The following LINGO2 variants were observed in gnomAD, a reference collection of about 807,000 sequenced individuals.
LINGO2 encodes the protein leucine-rich repeat and immunoglobulin-like domain-containing nogo receptor-interacting protein 2.
In LINGO2, 14 loss-of-function variants were observed where a neutral mutation model predicts 30.6. The ratio of observed to expected loss-of-function variants is 0.46; its 90% CI spans 0.30 to 0.72. LINGO2 has a LOEUF of 0.72. LINGO2 is among the 30% of genes least tolerant of loss of function. The pLI is 0.07. For missense variants in LINGO2, 729 were observed against 751.7 expected, an observed-to-expected ratio of 0.97 and a Z score of 0.35; for synonymous variants, 317 against 288.5, an observed-to-expected ratio of 1.10 and a Z score of -1.00.
the LINGO2 span, among the ~76,000 whole-genome samples, chr9:28,812,143 A>G: frequency 6.6e-6 from 1 of 152,050 alleles, no homozygotes; most frequent in Non-Finnish European, 1.5e-5. Flanking sequence ...AAACACTTAC[A>G]TAAATACATC....
At chr9:28,402,295 C>T (rs1251421977) in intron 2 of LINGO2, among the ~76,000 whole-genome samples, 1 of 151,840 alleles carries the variant, frequency 6.6e-6, no homozygotes, top group Non-Finnish European at 1.5e-5. Context: ...TCTTTTCTTT[C>T]CCCCCTATTT....
intron 3 of LINGO2, among the ~76,000 whole-genome samples, chr9:28,320,251 A>G (rs903130834): frequency 6.6e-6 from 1 of 152,118 alleles, no homozygotes; most frequent in Non-Finnish European, 1.5e-5. Context: ...CATATATCTT[A>G]TTAGTATGAG....
intron 5 of LINGO2, among the ~76,000 whole-genome samples, chr9:27,955,857 G>T: frequency 6.6e-6 from 1 of 151,014 alleles, no homozygotes; most frequent in East Asian, 2.0e-4. Context: ...TTCCCAAAGA[G>T]ATTATGCCAT....
chr9:28,882,421 T>C, the LINGO2 span, among the ~76,000 whole-genome samples: 95 of 152,270 alleles, frequency 6.2e-4, no homozygotes, highest in Admixed American at 3.7e-3. Context: ...TTGGAAACAA[T>C]GATTTGGTAC....
chr9:28,744,719 C>T, the LINGO2 span, among the ~76,000 whole-genome samples: 1 of 150,340 alleles, frequency 6.7e-6, no homozygotes, highest in Non-Finnish European at 1.5e-5. Flanking sequence ...TCACTGCAAC[C>T]TCTGCCTCCT....
chr9:28,544,220 A>G (rs937626008), intron 1 of LINGO2, among the ~76,000 whole-genome samples: 2 of 152,056 alleles, frequency 1.3e-5, no homozygotes, highest in African/African-American at 4.8e-5. Flanking sequence ...AAATACAAAT[A>G]AAAAACAAAA....
chr9:28,289,491 G>C (rs1823640880), intron 4 of LINGO2, among the ~76,000 whole-genome samples: 1 of 152,092 alleles, frequency 6.6e-6, no homozygotes, highest in African/African-American at 2.4e-5. Flanking sequence ...CCATACTTAT[G>C]ACTTATACAG....
Position 28,420,730 on chromosome 9 carries a change from T to C in LINGO2, c.-278-47862A>G, listed in dbSNP as rs537259287. On this transcript the variant is annotated intron_variant, in intron 2 of 5. Transcript: ENST00000379992. ...ATAAATTCTGCTAAAGTTCAGAAAA[T>C]TTTTACCATCACTCCTTTCTTTCTC... 7.9e-5 allele frequency among the ~76,000 whole-genome samples: 12 copies of C among 152,106 alleles called. No homozygotes were observed. In the East Asian group the frequency reaches 1.7e-3, roughly 22 times the overall value.
At chr9:28,182,836 T>C (rs1343387857) in intron 4 of LINGO2, among the ~76,000 whole-genome samples, 1 of 152,148 alleles carries the variant, frequency 6.6e-6, no homozygotes, top group East Asian at 1.9e-4. Flanking sequence ...TGAAGAAATA[T>C]GAACACTTTT....
intron 1 of LINGO2, among the ~76,000 whole-genome samples, chr9:28,533,043 T>C (rs558923331): frequency 5.9e-5 from 9 of 151,982 alleles, no homozygotes; most frequent in East Asian, 5.8e-4. Context: ...TGTGAGGGTG[T>C]TGCCAAAGGA....
chr9:27,990,468 C>CT (rs201417261), intron 5 of LINGO2, among the ~76,000 whole-genome samples: 7,390 of 126,698 alleles, frequency 0.058, 377 homozygotes, highest in Admixed American at 0.11. Context: ...CAATACCCCC[C>CT]CCCCTTTTAT....
the LINGO2 span, among the ~76,000 whole-genome samples, chr9:28,768,608 A>G: frequency 8.5e-6 from 1 of 117,438 alleles, no homozygotes; most frequent in Admixed American, 9.5e-5. Flanking sequence ...TAGTAGACAG[A>G]CTGGGACACA....
intron 5 of LINGO2, among the ~76,000 whole-genome samples, chr9:27,957,986 C>T (rs972704143): frequency 6.6e-6 from 1 of 152,114 alleles, no homozygotes; most frequent in Non-Finnish European, 1.5e-5. Context: ...ACCTCTTGTA[C>T]AATGTCAAAT....
chr9:28,716,643 A>C, the LINGO2 span, among the ~76,000 whole-genome samples: 2 of 152,106 alleles, frequency 1.3e-5, no homozygotes, highest in Non-Finnish European at 2.9e-5. Context: ...TTGAGGCCAG[A>C]AATTGTGTTC....
At chr9:28,484,344 T>A (rs1826087133) in intron 1 of LINGO2, among the ~76,000 whole-genome samples, 1 of 152,080 alleles carries the variant, frequency 6.6e-6, no homozygotes, top group Non-Finnish European at 1.5e-5. Flanking sequence ...AATCTGTTTA[T>A]ATAGAGTGGA....
At chr9:28,385,577 C>T (rs536644061) in intron 2 of LINGO2, among the ~76,000 whole-genome samples, 2 of 152,194 alleles carry the variant, frequency 1.3e-5, no homozygotes, top group South Asian at 4.1e-4. Flanking sequence ...AAGGTATATG[C>T]AGCTTAGGGA....
At chr9:29,151,955 C>A in the LINGO2 span, among the ~76,000 whole-genome samples, 1 of 152,066 alleles carries the variant, frequency 6.6e-6, no homozygotes, top group Non-Finnish European at 1.5e-5. Context: ...GTTAATAGAC[C>A]AATATGTTCT....
chr9:28,181,308 GT>G (rs1266257793), intron 4 of LINGO2, among the ~76,000 whole-genome samples: 2 of 152,168 alleles, frequency 1.3e-5, no homozygotes, highest in African/African-American at 4.8e-5. Flanking sequence ...TGTGTAAAAA[GT>G]TTCCTATGAA....
chr9:28,365,504 G>A lies in LINGO2; in HGVS notation c.-246+7332C>T, dbSNP rs74603165. On this transcript the variant is annotated intron_variant, in intron 3 of 5. Coordinates refer to ENST00000379992, the Ensembl canonical transcript of LINGO2. ...GCAACACCCCCTAGTGCAAGAGCTC[G>A]CACCACGTTCCTAACCTGGAATGAG... is the stretch of plus-strand genomic sequence containing the variant. 2.6e-3 allele frequency among the ~76,000 whole-genome samples: 394 copies of A among 152,214 alleles called. 11 individuals carry two copies. In the East Asian group the frequency reaches 0.042, roughly 16 times the overall value.
Sources: gnomAD v4.1 joint callset for allele counts (sites outside exome capture counted in the v4.1 genomes callset) on GRCh38, gnomAD v4.1.1 for gene constraint, MANE v1.5 for transcripts, NCBI Gene and HGNC (gene_info 2026-07-23, HGNC 2026-07-21) for gene names.